Variants in PDE4D observed in about 807,000 individuals in gnomAD.
The protein encoded by PDE4D is 3',5'-cyclic-AMP phosphodiesterase 4D.
PDE4D carries 24 observed loss-of-function variants against 87.4 expected under a neutral mutation model. The observed-to-expected ratio is 0.27, with a 90% CI of 0.20 to 0.39. The LOEUF is 0.39. Among genes scored for constraint, PDE4D ranks in the 10% least tolerant of loss-of-function variants. The pLI is 1.00. For missense variants in PDE4D, 714 were observed against 1,041.0 expected (o/e 0.69, Z 4.32); for synonymous variants, 384 against 383.2 (o/e 1.00, Z -0.02).
chr5:60,511,876 A>G (rs561909161), intron 1 of PDE4D, among the ~76,000 whole-genome samples: 56 of 152,202 alleles, frequency 3.7e-4, no homozygotes, highest in Non-Finnish European at 6.5e-4. Flanking sequence ...TCATATTTCA[A>G]GCACTCTATT....
At chr5:59,735,011 T>C (rs1757888116) in intron 1 of PDE4D, among the ~76,000 whole-genome samples, 1 of 152,206 alleles carries the variant, frequency 6.6e-6, no homozygotes, top group South Asian at 2.1e-4. Context: ...ATTAATCCTA[T>C]ATTGAGGTTT....
At chr5:59,171,058 T>G (rs1782681243) in intron 5 of PDE4D, among the ~76,000 whole-genome samples, 1 of 152,094 alleles carries the variant, frequency 6.6e-6, no homozygotes, top group South Asian at 2.1e-4. Flanking sequence ...ATTTTTGTAT[T>G]TTTAGTAGAG....
chr5:59,918,899 C>T (rs1051716433), intron 3 of PDE4D, among the ~76,000 whole-genome samples: 8 of 152,080 alleles, frequency 5.3e-5, no homozygotes, highest in Non-Finnish European at 1.0e-4. Context: ...GACTCCTGAC[C>T]CTTGGAAACT....
intron 5 of PDE4D, among the ~76,000 whole-genome samples, chr5:59,149,007 G>C (rs890138993): frequency 2.6e-5 from 4 of 152,070 alleles, no homozygotes; most frequent in Admixed American, 2.6e-4. Context: ...GGAGATGCCA[G>C]ACCTGTTTGG....
chr5:59,273,349 A>C (rs539067958), intron 1 of PDE4D, among the ~76,000 whole-genome samples: 1 of 150,470 alleles, frequency 6.6e-6, no homozygotes, highest in African/African-American at 2.5e-5. Context: ...ATGTATGTGT[A>C]TACATATATA....
At chr5:59,111,859 C>G (rs988473083) in intron 5 of PDE4D, among the ~76,000 whole-genome samples, 1 of 152,192 alleles carries the variant, frequency 6.6e-6, no homozygotes, top group Non-Finnish European at 1.5e-5. Context: ...ATGTACTGAG[C>G]AACCTAGCAT....
intron 5 of PDE4D, among the ~76,000 whole-genome samples, chr5:59,121,957 T>C (rs541484807): frequency 1.3e-5 from 2 of 151,824 alleles, no homozygotes; most frequent in African/African-American, 4.8e-5. Context: ...GCCTGGCCAA[T>C]ATGGTGAAAC....
At chr5:60,214,813 T>A (rs1034939302) in intron 1 of PDE4D, among the ~76,000 whole-genome samples, 4 of 152,164 alleles carry the variant, frequency 2.6e-5, no homozygotes, top group Non-Finnish European at 5.9e-5. Context: ...ACCTAAAGTG[T>A]TCAAGGAAGA....
chr5:59,371,507 A>T (rs1417996615), intron 1 of PDE4D, among the ~76,000 whole-genome samples: 1 of 152,164 alleles, frequency 6.6e-6, no homozygotes, highest in Non-Finnish European at 1.5e-5. Context: ...CTTAGTTTGA[A>T]GACTACTGTA....
intron 3 of PDE4D, among the ~76,000 whole-genome samples, chr5:59,925,622 G>A (rs978015149): frequency 2.0e-5 from 3 of 152,064 alleles, no homozygotes; most frequent in Admixed American, 6.6e-5. Context: ...TACAAGAAAT[G>A]CACTTCGCTG....
At chr5:60,331,506 C>T (rs928967973) in intron 1 of PDE4D, among the ~76,000 whole-genome samples, 1 of 152,222 alleles carries the variant, frequency 6.6e-6, no homozygotes, top group Non-Finnish European at 1.5e-5. Flanking sequence ...TTCACATTCC[C>T]TGCCCCTTGG....
chr5:60,003,215 C>A, intron 2 of PDE4D, among the ~76,000 whole-genome samples: 1 of 152,066 alleles, frequency 6.6e-6, no homozygotes, highest in Non-Finnish European at 1.5e-5. Flanking sequence ...AAGATCTCTA[C>A]ACTTAAAGAC....
In PDE4D at chr5:59,595,935, A is replaced by C. The variant is rs142704761; in HGVS notation, c.455+297233T>G. Among the ~76,000 whole-genome samples, 1,392 of 152,164 alleles carry C rather than the reference A, an allele frequency of 9.1e-3. 20 individuals are homozygous for C. The highest frequency in any genetic ancestry group is 0.031 in the African/African-American group (1,304 of 41,548). On this transcript the variant is annotated intron_variant, in intron 1 of 14. Coordinates refer to ENST00000340635, the MANE Select transcript of PDE4D (RefSeq NM_001104631.2). ...TAGAATGGAATACAATGTGTGGTCC[A>C]CCATATATATTGTCAATCTAATTTA...
chr5:59,656,778 C>T (rs1327992468), intron 1 of PDE4D, among the ~76,000 whole-genome samples: 1 of 152,172 alleles, frequency 6.6e-6, no homozygotes, highest in Non-Finnish European at 1.5e-5. Flanking sequence ...TGCAGAGTTG[C>T]AATTGTGACA....
chr5:59,672,903 C>T (rs1287318256), intron 1 of PDE4D, among the ~76,000 whole-genome samples: 13 of 152,122 alleles, frequency 8.5e-5, no homozygotes, highest in Admixed American at 8.5e-4. Flanking sequence ...AGATGTCTCA[C>T]AAATGTATTG....
Position 60,391,982 on chromosome 5 carries a change from C to T in PDE4D, c.-90+95960G>A, listed in dbSNP as rs76951580. ...TATTTCATTCAAGACCCTTCTGAAACTGTTGGTTTTATAACCTGGGATGAC... is the reference window on the plus strand; with the variant it reads ...TATTTCATTCAAGACCCTTCTGAAATTGTTGGTTTTATAACCTGGGATGAC... On this transcript the variant is annotated intron_variant, in intron 1 of 16. Transcript: ENST00000502484. 1.1e-4 allele frequency among the ~76,000 whole-genome samples: 16 copies of T among 152,310 alleles called. No homozygotes were observed. In the East Asian group the frequency reaches 3.1e-3, roughly 29 times the overall value.
chr5:60,011,938 C>A (rs570179204), intron 2 of PDE4D, among the ~76,000 whole-genome samples: 1 of 152,210 alleles, frequency 6.6e-6, no homozygotes, highest in East Asian at 1.9e-4. Flanking sequence ...CATTAAAAAT[C>A]CATTCTAAAT....
intron 1 of PDE4D, among the ~76,000 whole-genome samples, chr5:60,329,306 G>T (rs1328664575): frequency 2.0e-5 from 3 of 152,076 alleles, no homozygotes; most frequent in Non-Finnish European, 4.4e-5. Flanking sequence ...GAGATCTGAT[G>T]GTTTTACAAA....
intron 1 of PDE4D, among the ~76,000 whole-genome samples, chr5:59,425,427 C>T (rs1795049246): frequency 6.6e-6 from 1 of 152,084 alleles, no homozygotes; most frequent in Admixed American, 6.5e-5. Flanking sequence ...CATCCCTATT[C>T]TTTACCTACT....
Sources: allele counts gnomAD v4.1 joint callset (sites outside exome capture counted in the v4.1 genomes callset), GRCh38; gene constraint gnomAD v4.1.1; transcripts MANE v1.5; gene names NCBI Gene and HGNC (gene_info 2026-07-23, HGNC 2026-07-21).